Variants in SUSD4 observed in about 807,000 individuals in gnomAD.
The protein encoded by SUSD4 is sushi domain containing 4, also known as sushi domain-containing protein 4.
A neutral mutation model predicts 50.5 loss-of-function variants in SUSD4; 41 were observed. The ratio of observed to expected loss-of-function variants is 0.81; its 90% CI spans 0.63 to 1.05. SUSD4 has a LOEUF of 1.05. Ranked by LOEUF, SUSD4 falls within the 50% of genes least tolerant of loss-of-function variation. The pLI is 0.00. For missense variants in SUSD4, 580 were observed against 634.7 expected, an observed-to-expected ratio of 0.91 and a Z score of 0.93; for synonymous variants, 257 against 257.3, an observed-to-expected ratio of 1.00 and a Z score of 0.01.
intron 2 of SUSD4, among the ~76,000 whole-genome samples, chr1:223,306,987 T>C (rs1420612476): frequency 6.6e-6 from 1 of 151,636 alleles, no homozygotes; most frequent in African/African-American, 2.4e-5. Flanking sequence ...CTTCCACTTC[T>C]AAATTCTACA....
At chr1:223,312,426 G>A (rs1033067204) in intron 2 of SUSD4, among the ~76,000 whole-genome samples, 1 of 152,098 alleles carries the variant, frequency 6.6e-6, no homozygotes, top group African/African-American at 2.4e-5. Flanking sequence ...GCTGGTGCTG[G>A]GGAAAGGGCA....
chr1:223,292,516 G>T lies in SUSD4; in HGVS notation c.284C>A (p.Thr95Lys). 1.9e-6 allele frequency: 3 copies of T among 1,614,158 alleles called. No homozygotes were observed. Among genetic ancestry groups the T allele is most frequent in the Non-Finnish European group, 2.5e-6 (3 of 1,180,014 alleles). ...CQDGFKLKGA[T>K]KRLCLKHFNG... ...AAAATGCTTCAAACACAGTCTCTTT[G>T]TAGCGCCCTTCAGCTTGAATCCGTC... The change falls in exon 3 of 9, where the codon ACA becomes AAA. Residue 95 changes from threonine to lysine, a missense_variant. Physicochemically the swap from Thr to Lys is moderately conservative, Grantham distance 78. Coordinates refer to ENST00000366878, the MANE Select transcript of SUSD4 (RefSeq NM_017982.4).
At chr1:223,259,301 A>G (rs563394178) in intron 5 of SUSD4, among the ~76,000 whole-genome samples, 4 of 152,314 alleles carry the variant, frequency 2.6e-5, no homozygotes, top group South Asian at 2.1e-4. Flanking sequence ...ACTTGATTCC[A>G]TCTTTTTATC....
At chr1:223,286,161 G>T (rs1170563676) in intron 3 of SUSD4, among the ~76,000 whole-genome samples, 1 of 152,074 alleles carries the variant, frequency 6.6e-6, no homozygotes, top group Non-Finnish European at 1.5e-5. Context: ...TGTCGCCCAG[G>T]CTGGAGTGCA....
chr1:223,268,040 T>TATATATAC (rs1558197215), intron 4 of SUSD4, among the ~76,000 whole-genome samples: 1 of 81,280 alleles, frequency 1.2e-5, no homozygotes, highest in South Asian at 3.9e-4. Context: ...TATATATATA[T>TATATATAC]ATACACACAC....
chr1:223,248,746 G>A (rs1210519725), intron 5 of SUSD4, among the ~76,000 whole-genome samples: 1 of 152,124 alleles, frequency 6.6e-6, no homozygotes, highest in Non-Finnish European at 1.5e-5. Flanking sequence ...ACCCAGCAGC[G>A]CTGAGGGAGG....
chr1:223,289,363 T>A (rs554685292), intron 3 of SUSD4: 161 of 944,022 alleles, frequency 1.7e-4, no homozygotes, highest in Non-Finnish European at 2.0e-4. Flanking sequence ...CAGACCTCTA[T>A]AAATTTAGTT....
In SUSD4 at chr1:223,264,584, C is replaced by T. The variant is rs765370363; in HGVS notation, c.724+46G>A. The T allele has an allele frequency of 1.8e-5, 29 of 1,605,304 alleles. No homozygotes were observed. The African/African-American group carries it at 2.9e-4, about 16-fold the overall frequency. On this transcript the variant is annotated intron_variant, in intron 5 of 8. Coordinates refer to ENST00000366878, the MANE Select transcript of SUSD4 (RefSeq NM_017982.4). ...TTCCTCCTACTGATCTTCTTCCTCC[C>T]TTTAATAATACAAAATACAACTTCC... is the stretch of plus-strand genomic sequence containing the variant.
rs150510313 is a variant in SUSD4, at chr1:223,315,989, G to A, written c.149-23338C>T. On this transcript the variant is annotated intron_variant, in intron 2 of 8. Coordinates refer to ENST00000366878, the MANE Select transcript of SUSD4 (RefSeq NM_017982.4). The stretch of plus-strand genomic sequence containing the variant: ...AAAGAAAAACAGGGCTGATTCTATA[G>A]TGTGACTCTAGAAGAAAAGGGGACA... Among the ~76,000 whole-genome samples, 252 of 152,278 alleles carry A rather than the reference G, an allele frequency of 1.7e-3. 4 individuals carry two copies. The highest frequency in any genetic ancestry group is 5.3e-3 in the African/African-American group (222 of 41,556).
intron 5 of SUSD4, among the ~76,000 whole-genome samples, chr1:223,262,698 G>T (rs1437493223): frequency 6.6e-6 from 1 of 152,096 alleles, no homozygotes; most frequent in African/African-American, 2.4e-5. Flanking sequence ...TCACCACTTT[G>T]TACCTTTAGC....
chr1:223,300,607 T>A (rs1380118683), intron 2 of SUSD4, among the ~76,000 whole-genome samples: 1 of 151,694 alleles, frequency 6.6e-6, no homozygotes, highest in African/African-American at 2.4e-5. Context: ...AAGGCTGGGT[T>A]TCCATTTCTC....
At chr1:223,250,762 G>A (rs1661249339) in intron 5 of SUSD4, among the ~76,000 whole-genome samples, 1 of 152,194 alleles carries the variant, frequency 6.6e-6, no homozygotes, top group African/African-American at 2.4e-5. Flanking sequence ...ACAGATACAG[G>A]GAAGCCTCTG....
rs184802038 is a variant in SUSD4 at position 223,308,658 on chromosome 1, C to T, written c.149-16007G>A. Among the ~76,000 whole-genome samples, 913 of 152,248 alleles carry T rather than the reference C, an allele frequency of 6.0e-3. 11 individuals carry two copies. Among genetic ancestry groups the T allele is most frequent in the African/African-American group, 0.021 (874 of 41,522 alleles). ...ATCTTAGAATTTACTGAAATAATTTCCCTCATTTTATAGTAGAGAAATTTG... is the reference window on the plus strand; with the variant it reads ...ATCTTAGAATTTACTGAAATAATTTTCCTCATTTTATAGTAGAGAAATTTG... On this transcript the variant is annotated intron_variant, in intron 2 of 8. Coordinates refer to ENST00000366878, the MANE Select transcript of SUSD4 (RefSeq NM_017982.4).
At chr1:223,251,715 G>A (rs140887563) in intron 5 of SUSD4, among the ~76,000 whole-genome samples, 5 of 152,224 alleles carry the variant, frequency 3.3e-5, no homozygotes, top group East Asian at 1.9e-4. Flanking sequence ...ATAAACATAC[G>A]TGTGCATGTG....
intron 2 of SUSD4, among the ~76,000 whole-genome samples, chr1:223,354,901 A>G (rs1668571468): frequency 6.6e-6 from 1 of 152,204 alleles, no homozygotes. Flanking sequence ...AACAGGAACA[A>G]TGCTGTGGAC....
intron 2 of SUSD4, among the ~76,000 whole-genome samples, chr1:223,329,355 T>C (rs1024544658): frequency 2.0e-5 from 3 of 152,184 alleles, no homozygotes; most frequent in Non-Finnish European, 2.9e-5. Context: ...GACTTAATAA[T>C]TTATCATCTC....
At chr1:223,282,569 A>G (rs1397734760) in intron 3 of SUSD4, among the ~76,000 whole-genome samples, 2 of 152,212 alleles carry the variant, frequency 1.3e-5, no homozygotes, top group Non-Finnish European at 2.9e-5. Flanking sequence ...ACTACAAACC[A>G]CTGCTCAACG....
intron 5 of SUSD4, chr1:223,234,809 G>A: frequency 8.9e-7 from 1 of 1,128,628 alleles, no homozygotes. Context: ...AAATAAAGAG[G>A]CCAACGTTTC....
intron 5 of SUSD4, among the ~76,000 whole-genome samples, chr1:223,255,889 G>A (rs1431310355): frequency 1.3e-5 from 2 of 152,196 alleles, no homozygotes; most frequent in Non-Finnish European, 2.9e-5. Context: ...CACGCCTCTG[G>A]CCAGCGGGTT....
Sources: gnomAD v4.1 joint callset for allele counts (sites outside exome capture counted in the v4.1 genomes callset) on GRCh38, gnomAD v4.1.1 for gene constraint, MANE v1.5 for transcripts, NCBI Gene and HGNC (gene_info 2026-07-23, HGNC 2026-07-21) for gene names.